TMPRSS4: variants seen among roughly 807,000 people sequenced by gnomAD.
TMPRSS4 encodes transmembrane protease serine 4.
A neutral mutation model predicts 56.4 loss-of-function variants in TMPRSS4; 45 were observed. The observed-to-expected ratio is 0.80, with a 90% CI of 0.63 to 1.02. The LOEUF (loss-of-function observed/expected upper bound fraction) is 1.02. Among genes scored for constraint, TMPRSS4 ranks in the 50% least tolerant of loss-of-function variants. The pLI is 0.00. For synonymous variants in TMPRSS4, 205 were observed against 211.0 expected (o/e 0.97, Z 0.25); for missense variants, 546 against 556.7 (o/e 0.98, Z 0.19).
downstream of TMPRSS4, among the ~76,000 whole-genome samples, chr11:118,124,677 C>T (rs1045050366): frequency 3.9e-5 from 6 of 152,044 alleles, no homozygotes; most frequent in Middle Eastern, 3.2e-3. Context: ...ATTGATATGT[C>T]GAGCAGGTGA....
At chr11:118,090,965 G>A (rs1945907547) in intron 1 of TMPRSS4, among the ~76,000 whole-genome samples, 1 of 152,056 alleles carries the variant, frequency 6.6e-6, no homozygotes, top group Non-Finnish European at 1.5e-5. Context: ...AAGTTGTATA[G>A]TCAATATTTG....
chr11:118,111,289 A>T (rs946235890), intron 7 of TMPRSS4, among the ~76,000 whole-genome samples: 8 of 152,290 alleles, frequency 5.3e-5, no homozygotes, highest in Admixed American at 2.6e-4. Flanking sequence ...TGGCCGGGGA[A>T]ACAGACTTGG....
intron 6 of TMPRSS4, 90 bp from the exon 7 acceptor site, chr11:118,108,766 G>A: frequency 1.5e-6 from 2 of 1,328,312 alleles, no homozygotes; most frequent in Non-Finnish European, 2.1e-6. Context: ...ATTGGGAGGG[G>A]ACTTGAATTA....
At chr11:118,114,765 A>G in intron 9 of TMPRSS4, 64 bp from the exon 10 acceptor site, 1 of 1,458,936 alleles carries the variant, frequency 6.9e-7, no homozygotes, top group Non-Finnish European at 9.4e-7. Context: ...AAGCATCATA[A>G]TTTACAGAAA....
chr11:118,121,315 G>GT lies in TMPRSS4; in HGVS notation c.*3403dup, dbSNP rs1253504257. ...TAGTGAGGCAATTGTGAAAATGTAG[G>GT]TAAGTCTAAACACACTCTGTCTACT... On this transcript the variant is annotated 3_prime_UTR_variant, in exon 13 of 13. Coordinates refer to ENST00000437212, the MANE Select transcript of TMPRSS4 (RefSeq NM_019894.4). 1 of 151,548 alleles carries GT rather than the reference G, an allele frequency of 6.6e-6. No individual in the cohort carries two copies. The highest frequency in any genetic ancestry group is 1.5e-5 in the Non-Finnish European group (1 of 67,946). 9.4% of individuals were successfully genotyped at this position (151,548 alleles called of 1,614,324 possible). A position where few individuals can be genotyped will look rare whatever the true frequency, so the allele number is the denominator to read the frequency against.
chr11:118,084,878 T>A (rs947529575), intron 1 of TMPRSS4, among the ~76,000 whole-genome samples: 3 of 152,160 alleles, frequency 2.0e-5, no homozygotes, highest in African/African-American at 2.4e-5. Context: ...CAGAGCTGGA[T>A]TCAGGCCAGT....
chr11:118,097,864 G>T (rs2135375352), intron 2 of TMPRSS4, among the ~76,000 whole-genome samples: 1 of 152,232 alleles, frequency 6.6e-6, no homozygotes, highest in Non-Finnish European at 1.5e-5. Flanking sequence ...TCCGTCTCCT[G>T]GGTTCAAGTG....
intron 1 of TMPRSS4, among the ~76,000 whole-genome samples, chr11:118,080,092 A>G (rs1257181356): frequency 6.6e-6 from 1 of 152,180 alleles, no homozygotes; most frequent in Non-Finnish European, 1.5e-5. Context: ...GGGGATTGGG[A>G]GGACCCAATA....
At chr11:118,101,884 G>A (rs1181665898) in intron 3 of TMPRSS4, among the ~76,000 whole-genome samples, 1 of 152,242 alleles carries the variant, frequency 6.6e-6, no homozygotes, top group African/African-American at 2.4e-5. Context: ...GCAGCTGGCA[G>A]AATCTAAAGA....
At chr11:118,101,232 T>C (rs924099356) in intron 3 of TMPRSS4, among the ~76,000 whole-genome samples, 1 of 152,122 alleles carries the variant, frequency 6.6e-6, no homozygotes, top group South Asian at 2.1e-4. Context: ...GAGTTAGTAA[T>C]AACACTTCCC....
Position 118,112,842 on chromosome 11 carries a change from T to TC in TMPRSS4, c.744-427_744-426insC, listed in dbSNP as rs1446289854. ...TTAACCACTTTTTTTTTTTTTTTTTTTGAGATTCTGGTGAGAGCTATAAAT... is the reference window on the plus strand; with the variant it reads ...TTAACCACTTTTTTTTTTTTTTTTTTCTGAGATTCTGGTGAGAGCTATAAAT... On this transcript the variant is annotated intron_variant, in intron 8 of 12. Transcript: ENST00000437212. Among the ~76,000 whole-genome samples, 1,299 of 149,208 alleles carry TC rather than the reference T, an allele frequency of 8.7e-3. 18 individuals are homozygous for TC. The highest frequency in any genetic ancestry group is 0.03 in the African/African-American group (1,172 of 39,352).
chr11:118,117,183 T>C, intron 11 of TMPRSS4, 122 bp from the exon 12 acceptor site: 1 of 961,464 alleles, frequency 1.0e-6, no homozygotes, highest in Non-Finnish European at 1.6e-6. Context: ...AGGGTGAGGG[T>C]GGAATATCGG....
In TMPRSS4 at chr11:118,077,209, C is replaced by T. The variant is rs190320151; in HGVS notation, c.-94C>T. On this transcript the variant is annotated 5_prime_UTR_variant, in exon 1 of 13. Transcript: ENST00000437212. ...GACCAGGGACTTCTGACCTGCTGGC[C>T]AGCCAGGACCTGTGTGGGGAGGCCC... is the stretch of plus-strand genomic sequence containing the variant. The T allele has an allele frequency of 5.3e-6, 8 of 1,523,606 alleles. 1 individual carries two copies. In the African/African-American group the frequency reaches 9.6e-5, roughly 18 times the overall value. The allele number at this position is 1,523,606 out of a possible 1,614,324, so 94.4% of individuals were successfully genotyped here.
At position 118,117,939 on chromosome 11, in the gene TMPRSS4, G is replaced by C. The variant is rs7123209; in HGVS notation, c.*26G>C. The C allele has an allele frequency of 0.21, 345,178 of 1,611,990 alleles. 40,655 individuals carry two copies. Among genetic ancestry groups the C allele is most frequent in the African/African-American group, 0.47 (35,541 of 74,898 alleles). ...TGCTGCTGCCCCTTTGCAGTGCTGGGAGCCGCTTCCTTCCTGCCCTGCCCA... is the reference window on the plus strand; with the variant it reads ...TGCTGCTGCCCCTTTGCAGTGCTGGCAGCCGCTTCCTTCCTGCCCTGCCCA... On this transcript the variant is annotated 3_prime_UTR_variant, in exon 13 of 13. Transcript: ENST00000437212.
intron 4 of TMPRSS4, among the ~76,000 whole-genome samples, chr11:118,103,481 A>G (rs1018946473): frequency 6.6e-6 from 1 of 152,118 alleles, no homozygotes; most frequent in Non-Finnish European, 1.5e-5. Context: ...TCCCAGTTTC[A>G]AGTGATTCTT....
intron 1 of TMPRSS4, among the ~76,000 whole-genome samples, chr11:118,089,671 C>T (rs941654050): frequency 3.3e-5 from 5 of 152,126 alleles, no homozygotes; most frequent in East Asian, 3.8e-4. Flanking sequence ...TTTATTAATT[C>T]GACAAATATT....
At chr11:118,109,936 C>T (rs1480493822) in intron 7 of TMPRSS4, among the ~76,000 whole-genome samples, 1 of 152,166 alleles carries the variant, frequency 6.6e-6, no homozygotes, top group East Asian at 1.9e-4. Flanking sequence ...CACTGAGTAG[C>T]CCTGAAGGCT....
At chr11:118,114,231 GGT>G (rs1343184971) in intron 9 of TMPRSS4, among the ~76,000 whole-genome samples, 1 of 152,160 alleles carries the variant, frequency 6.6e-6, no homozygotes, top group Non-Finnish European at 1.5e-5. Flanking sequence ...CCTGAGCCCT[GGT>G]GTGTGTTTCA....
intron 1 of TMPRSS4, among the ~76,000 whole-genome samples, chr11:118,089,445 G>A (rs1483330180): frequency 6.6e-6 from 1 of 152,150 alleles, no homozygotes; most frequent in African/African-American, 2.4e-5. Context: ...GGGGGAACTA[G>A]AATCCTTGCT....
Sources: allele counts gnomAD v4.1 joint callset (sites outside exome capture counted in the v4.1 genomes callset), GRCh38; gene constraint gnomAD v4.1.1; transcripts MANE v1.5; gene names NCBI Gene and HGNC (gene_info 2026-07-23, HGNC 2026-07-21).